The following POMT2 variants were observed in gnomAD, a reference collection of about 807,000 sequenced individuals.
The protein encoded by POMT2 is protein O-mannosyl-transferase 2.
A neutral mutation model predicts 100.0 loss-of-function variants in POMT2; 75 were observed. That is an observed-to-expected ratio of 0.75 (90% CI 0.62 to 0.91). POMT2 has a LOEUF of 0.91. Among genes scored for constraint, POMT2 ranks in the 40% least tolerant of loss-of-function variants. POMT2 has a pLI of 0.00. For synonymous variants in POMT2, 378 were observed against 374.1 expected, an observed-to-expected ratio of 1.01 and a Z score of -0.12; for missense variants, 940 against 955.1, an observed-to-expected ratio of 0.98 and a Z score of 0.21.
chr14:77,298,120 T>G (rs1405797378), intron 8 of POMT2, among the ~76,000 whole-genome samples: 1 of 152,190 alleles, frequency 6.6e-6, no homozygotes, highest in Admixed American at 6.5e-5. Flanking sequence ...CTCTCCTCTG[T>G]TGAAAGCCAC....
intron 1 of POMT2, among the ~76,000 whole-genome samples, chr14:77,313,496 A>G (rs1403788509): frequency 2.0e-5 from 3 of 152,226 alleles, no homozygotes; most frequent in Admixed American, 2.0e-4. Context: ...CTACAAAATG[A>G]AGACAATAAT....
intron 1 of POMT2, among the ~76,000 whole-genome samples, chr14:77,317,674 T>C (rs568657008): frequency 1.3e-5 from 2 of 152,374 alleles, no homozygotes; most frequent in South Asian, 2.1e-4. Context: ...CATCTCCTTT[T>C]GCCTACCAAC....
chr14:77,299,387 G>C, intron 7 of POMT2, 68 bp downstream of exon 7: 1 of 1,379,570 alleles, frequency 7.2e-7, no homozygotes, highest in Non-Finnish European at 1.0e-6. Context: ...AAAATCATCC[G>C]ACCCCTCCAC....
At chr14:77,279,010 G>A (rs1050332097) in intron 18 of POMT2, 141 bp from the exon 19 acceptor site, 94 of 1,155,354 alleles carry the variant, frequency 8.1e-5, no homozygotes, top group Middle Eastern at 1.9e-4. Flanking sequence ...CCACGCTACA[G>A]AAACTGGAGA....
intron 2 of POMT2, chr14:77,306,674 G>T (rs1463064421): frequency 4.5e-6 from 2 of 444,370 alleles, no homozygotes; most frequent in Admixed American, 6.8e-5. Context: ...CGAGGTCTAG[G>T]AACAGCACAA....
At chr14:77,308,652 G>A (rs1464423181) in intron 2 of POMT2, 2 of 368,266 alleles carry the variant, frequency 5.4e-6, no homozygotes, top group Non-Finnish European at 1.1e-5. Context: ...CACCGCGCCC[G>A]GCCAACAAAG....
chr14:77,285,400 C>T (rs559149290), intron 13 of POMT2, 81 bp downstream of exon 13: 2 of 1,574,242 alleles, frequency 1.3e-6, no homozygotes, highest in Admixed American at 1.7e-5. Context: ...CACAGGAAAA[C>T]AAAAGCTTCT....
chr14:77,292,794 T>G (rs1224523501), intron 9 of POMT2, among the ~76,000 whole-genome samples: 1 of 152,242 alleles, frequency 6.6e-6, no homozygotes, highest in Non-Finnish European at 1.5e-5. Context: ...GTGTTCCAAC[T>G]GCCTGCAGTA....
At chr14:77,280,323 C>T (rs1890171093) in intron 16 of POMT2, 69 bp downstream of exon 16, 18 of 1,593,246 alleles carry the variant, frequency 1.1e-5, no homozygotes, top group Admixed American at 1.7e-5. Context: ...CCCACCCCCG[C>T]CTCCACCGGT....
intron 8 of POMT2, among the ~76,000 whole-genome samples, chr14:77,298,355 C>T (rs562370313): frequency 6.6e-6 from 1 of 152,228 alleles, no homozygotes; most frequent in South Asian, 2.1e-4. Flanking sequence ...TGAACGAATG[C>T]AACACTCAGA....
At chr14:77,309,206 A>G (rs1397268393) in intron 2 of POMT2, among the ~76,000 whole-genome samples, 1 of 152,228 alleles carries the variant, frequency 6.6e-6, no homozygotes, top group African/African-American at 2.4e-5. Flanking sequence ...AATGTAAGAA[A>G]CTATTGACAA....
At chr14:77,303,759 T>C (rs188694675) in intron 4 of POMT2, among the ~76,000 whole-genome samples, 1 of 152,306 alleles carries the variant, frequency 6.6e-6, no homozygotes, top group East Asian at 1.9e-4. Flanking sequence ...ATTCCATCCC[T>C]TACACTGCTT....
Position 77,296,234 on chromosome 14 carries a change from C to A in POMT2, c.1046G>T (p.Arg349Leu), listed in dbSNP as rs756055923. The A allele has an allele frequency of 6.2e-7, 1 of 1,608,548 alleles. No individual in the cohort carries two copies. Among genetic ancestry groups the A allele is most frequent in the African/African-American group, 1.3e-5 (1 of 74,992 alleles). The part of the protein sequence containing the change: ...YGSVITVKNL[R>L]MAIGYLHSHR... ...GGAGTGCAGATAGCCGATGGCCATC[C>A]GGAGGTTCTTCACAGTGATCACAGA... The change falls in exon 9 of 21, where the codon CGG becomes CTG. Residue 349 changes from arginine to leucine, a missense_variant. Coordinates refer to ENST00000261534, the MANE Select transcript of POMT2 (RefSeq NM_013382.7).
At chr14:77,296,333 C>T in intron 8 of POMT2, 60 bp from the exon 9 acceptor site, 1 of 1,238,110 alleles carries the variant, frequency 8.1e-7, no homozygotes. Flanking sequence ...CTGTCCGTGC[C>T]TGCGAGGAGC....
rs377169656 is a variant in POMT2, at chr14:77,284,049, A to G, written c.1577-176T>C. 133 of 673,594 alleles carry G rather than the reference A, an allele frequency of 2.0e-4. No homozygotes were observed. The African/African-American group carries it at 2.0e-3, about 10-fold the overall frequency. The allele number at this position is 673,594 out of a possible 1,614,324, so 41.7% of individuals were successfully genotyped here. On this transcript the variant is annotated intron_variant, in intron 14 of 20. Coordinates refer to ENST00000261534, the MANE Select transcript of POMT2 (RefSeq NM_013382.7). ...TGATCATTTACTTAGCTGTATGAAG[A>G]ACTCATCAGGCATTCTAAGAAATGC...
chr14:77,292,833 T>C (rs902892938), intron 9 of POMT2, among the ~76,000 whole-genome samples: 3 of 152,230 alleles, frequency 2.0e-5, no homozygotes, highest in African/African-American at 7.2e-5. Flanking sequence ...TATACAGGTT[T>C]GTAGTCTAGG....
chr14:77,297,487 A>G (rs540370177), intron 8 of POMT2, among the ~76,000 whole-genome samples: 13 of 152,192 alleles, frequency 8.5e-5, no homozygotes, highest in African/African-American at 3.1e-4. Context: ...CCATGGCAAC[A>G]ATTTCCCCAA....
At position 77,298,935 on chromosome 14, in the gene POMT2, A is replaced by C. The variant is rs191542534; in HGVS notation, c.924-164T>G. 1.4e-4 allele frequency among the ~76,000 whole-genome samples: 22 copies of C among 152,364 alleles called. 1 individual carries two copies. Among genetic ancestry groups the C allele is most frequent in the Middle Eastern group, 6.8e-3 (2 of 294 alleles). Reference sequence around the variant, plus strand: ...TGGAGAAACTGGGGTCCAAATCCCAACTCAGCCACTTACTAGCTGTGCGAC... The same window carrying C: ...TGGAGAAACTGGGGTCCAAATCCCACCTCAGCCACTTACTAGCTGTGCGAC... On this transcript the variant is annotated intron_variant, in intron 7 of 20. Coordinates refer to ENST00000261534, the MANE Select transcript of POMT2 (RefSeq NM_013382.7).
intron 20 of POMT2, 50 bp from the exon 21 acceptor site, chr14:77,277,531 T>G: frequency 7.3e-7 from 1 of 1,371,080 alleles, no homozygotes; most frequent in Non-Finnish European, 1.0e-6. Context: ...GTGCCTCAGC[T>G]GAGGGGCTTT....
Sources: gnomAD v4.1 joint callset for allele counts (sites outside exome capture counted in the v4.1 genomes callset) on GRCh38, gnomAD v4.1.1 for gene constraint, MANE v1.5 for transcripts, NCBI Gene and HGNC (gene_info 2026-07-23, HGNC 2026-07-21) for gene names.